Variants in PARD6B observed in about 807,000 individuals in gnomAD.
PARD6B encodes the protein par-6 family cell polarity regulator beta.
In PARD6B, 4 loss-of-function variants were observed where a neutral mutation model predicts 10.5. That is an observed-to-expected ratio of 0.38 (90% CI 0.19 to 0.87). PARD6B has a LOEUF of 0.87. Among genes scored for constraint, PARD6B ranks in the 40% least tolerant of loss-of-function variants. The pLI, the probability that PARD6B is intolerant of heterozygous loss-of-function variation, is 0.41. For missense variants in PARD6B, 396 were observed against 470.6 expected (o/e 0.84, Z 1.47); for synonymous variants, 169 against 170.4 (o/e 0.99, Z 0.07).
Position 50,750,988 on chromosome 20 carries a change from G to GTTTTTTTTTTTTTTTT in PARD6B, c.*501_*502insTTTTTTTTTTTTTTTT, listed in dbSNP as rs1568999536. ...TTTTTTTTTTTTTTTTTTTTTTTTA[G>GTTTTTTTTTTTTTTTT]TGACTGGGTCTCACTCTGTTGCCCA... On this transcript the variant is annotated 3_prime_UTR_variant, in exon 3 of 3. Transcript: ENST00000371610. 9.6e-6 allele frequency: 3 copies of GTTTTTTTTTTTTTTTT among 312,234 alleles called. No homozygotes were observed. Among genetic ancestry groups the GTTTTTTTTTTTTTTTT allele is most frequent in the Non-Finnish European group, 1.1e-5 (3 of 271,006 alleles). 19.3% of individuals were successfully genotyped at this position (312,234 alleles called of 1,614,324 possible). A position where few individuals can be genotyped will look rare whatever the true frequency, so the allele number is the denominator to read the frequency against.
intron 2 of PARD6B, among the ~76,000 whole-genome samples, chr20:50,747,489 C>CTTTTTTTTTTTTTTTTTTTTTTTTCT (rs58629233): frequency 3.0e-5 from 1 of 33,354 alleles, no homozygotes. Context: ...TTCTTTCTTT[C>CTTTTTTTTTTTTTTTTTTTTTTTTCT]TTTTTTTTTT....
Position 50,752,598 on chromosome 20 carries a change from A to C in PARD6B, c.*2110A>C. On this transcript the variant is annotated 3_prime_UTR_variant, in exon 3 of 3. Transcript: ENST00000371610. ...AACTAAAAATACTATGAAGTACATA[A>C]GTTCCCTATGGCTTATGGAGAGTTA... The C allele has an allele frequency of 1.0e-6, 1 of 982,960 alleles. No individual in the cohort carries two copies. Among genetic ancestry groups the C allele is most frequent in the Non-Finnish European group, 1.2e-6 (1 of 827,324 alleles). 60.9% of individuals were successfully genotyped at this position (982,960 alleles called of 1,614,324 possible). A position where few individuals can be genotyped will look rare whatever the true frequency, so the allele number is the denominator to read the frequency against.
At chr20:50,741,773 C>T (rs1422850393) in intron 2 of PARD6B, among the ~76,000 whole-genome samples, 2 of 152,126 alleles carry the variant, frequency 1.3e-5, no homozygotes, top group African/African-American at 4.8e-5. Flanking sequence ...GTCTCGATCT[C>T]CTGACTTCGT....
At chr20:50,747,199 A>G (rs1356047256) in intron 2 of PARD6B, among the ~76,000 whole-genome samples, 2 of 152,230 alleles carry the variant, frequency 1.3e-5, no homozygotes, top group Non-Finnish European at 2.9e-5. Flanking sequence ...TGTGACTTGG[A>G]AGATACTAGC....
rs1386455472 is a variant in PARD6B at position 50,740,946 on chromosome 20, TTGA to T, written c.289+2871_289+2873del. Among the ~76,000 whole-genome samples the T allele has an allele frequency of 2.0e-5, 3 of 151,642 alleles. No individual in the cohort carries two copies. In the East Asian group the frequency reaches 5.8e-4, roughly 29 times the overall value. ...CTGGCTTCCTTCCTGTTCCTCAGAC[TTGA>T]TGAGCTTGTTTCTTTTTTTTTTTTT... On this transcript the variant is annotated intron_variant, in intron 2 of 2. Transcript: ENST00000371610.
At chr20:50,732,540 A>C (rs2087477448) in intron 1 of PARD6B, among the ~76,000 whole-genome samples, 1 of 152,132 alleles carries the variant, frequency 6.6e-6, no homozygotes, top group Non-Finnish European at 1.5e-5. Flanking sequence ...CTGAATTTCT[A>C]AATCTCAAGG....
chr20:50,733,996 TATATTTGAACTGCC>T (rs2087486001), intron 1 of PARD6B, among the ~76,000 whole-genome samples: 1 of 152,242 alleles, frequency 6.6e-6, no homozygotes, highest in Non-Finnish European at 1.5e-5. Flanking sequence ...CTACATGTTG[TATATTTGAACTGCC>T]ATACTGCACT....
chr20:50,742,190 C>T (rs138693277), intron 2 of PARD6B, among the ~76,000 whole-genome samples: 2,634 of 151,998 alleles, frequency 0.017, 97 homozygotes, highest in African/African-American at 0.06. Flanking sequence ...ACTACAGATG[C>T]GTGCCACCAC....
intron 2 of PARD6B, among the ~76,000 whole-genome samples, chr20:50,748,548 T>C (rs1171114707): frequency 6.6e-6 from 1 of 152,236 alleles, no homozygotes; most frequent in African/African-American, 2.4e-5. Flanking sequence ...AACATGCAAA[T>C]TGCAGGCGTG....
chr20:50,750,378 T>C lies in PARD6B; in HGVS notation c.1009T>C (p.Ser337Pro). The C allele has an allele frequency of 6.2e-7, 1 of 1,614,180 alleles. No individual in the cohort carries two copies. Among genetic ancestry groups the C allele is most frequent in the South Asian group, 1.1e-5 (1 of 91,084 alleles). Residue 337 changes from serine (S) to proline (P), a missense_variant, in exon 3 of 3, where the codon TCT (serine) becomes CCT (proline). This residue lies in a region of PARD6B where 188 missense variants were observed against 169.7 expected (regional missense o/e 1.11). Coordinates refer to ENST00000371610, the MANE Select transcript of PARD6B (RefSeq NM_032521.3). ...FESGQNGFIP[S>P]NEVSLAAIAS... ...GTCTGGACAGAATGGCTTTATTCCC[T>C]CTAATGAAGTGAGCTTAGCAGCCAT... is the stretch of plus-strand genomic sequence containing the variant.
chr20:50,736,465 T>G (rs1252044792), intron 1 of PARD6B, among the ~76,000 whole-genome samples: 1 of 152,232 alleles, frequency 6.6e-6, no homozygotes, highest in East Asian at 1.9e-4. Flanking sequence ...TTTAAATATT[T>G]TTAAAAACCA....
Position 50,750,986 on chromosome 20 carries a change from T to TTTTTTTTTTTTTTGTTTTTTTTTTG in PARD6B, c.*498_*499insTTTTTTTTTTTTTGTTTTTTTTTTG, listed in dbSNP as rs2087604686. ...TTTTTTTTTTTTTTTTTTTTTTTTT[T>TTTTTTTTTTTTTTGTTTTTTTTTTG]AGTGACTGGGTCTCACTCTGTTGCC... On this transcript the variant is annotated 3_prime_UTR_variant, in exon 3 of 3. Transcript: ENST00000371610. 1.7e-6 allele frequency: 1 copy of TTTTTTTTTTTTTTGTTTTTTTTTTG among 586,752 alleles called. No homozygotes were observed. Among genetic ancestry groups the TTTTTTTTTTTTTTGTTTTTTTTTTG allele is most frequent in the Non-Finnish European group, 2.1e-6 (1 of 483,112 alleles). The allele number at this position is 586,752 out of a possible 1,614,324, so 36.3% of individuals were successfully genotyped here.
intron 2 of PARD6B, among the ~76,000 whole-genome samples, chr20:50,746,310 C>A (rs555768178): frequency 6.6e-6 from 1 of 152,252 alleles, no homozygotes; most frequent in African/African-American, 2.4e-5. Context: ...AGTAAGACAT[C>A]CAGTTTGACT....
chr20:50,748,147 A>G (rs908202289), intron 2 of PARD6B, among the ~76,000 whole-genome samples: 3 of 152,246 alleles, frequency 2.0e-5, no homozygotes, highest in East Asian at 1.9e-4. Context: ...CATCAAGACC[A>G]GCCTGGCCAA....
chr20:50,753,377 A>G lies in PARD6B; in HGVS notation c.*2889A>G, dbSNP rs575376907. ...ATCAGCTCATTGGTAGGCTGAATCA[A>G]TTATTTCAAGTGCACCTTATTAACA... On this transcript the variant is annotated 3_prime_UTR_variant, in exon 3 of 3. Coordinates refer to ENST00000371610, the MANE Select transcript of PARD6B (RefSeq NM_032521.3). 5.9e-5 allele frequency: 58 copies of G among 985,394 alleles called. No individual in the cohort carries two copies. Among genetic ancestry groups the G allele is most frequent in the South Asian group, 3.3e-4 (7 of 21,274 alleles). The allele number at this position is 985,394 out of a possible 1,614,324, so 61.0% of individuals were successfully genotyped here.
At chr20:50,741,072 T>C (rs1339215420) in intron 2 of PARD6B, among the ~76,000 whole-genome samples, 1 of 151,900 alleles carries the variant, frequency 6.6e-6, no homozygotes, top group Non-Finnish European at 1.5e-5. Flanking sequence ...GTGATTGTCC[T>C]GCCTCAGCCT....
In PARD6B at chr20:50,731,859, G is replaced by T; in HGVS notation, c.66+7G>T. On this transcript the variant is annotated splice_region_variant and intron_variant, in intron 1 of 2. Transcript: ENST00000371610. ...TATGGAGGTGAAGAGCAAGGTGCGC[G>T]GGGCCCGGGCTGGGCGGAGCGGCGG... The T allele has an allele frequency of 2.1e-6, 3 of 1,449,118 alleles. No homozygotes were observed. The highest frequency in any genetic ancestry group is 2.7e-6 in the Non-Finnish European group (3 of 1,104,912). The allele number at this position is 1,449,118 out of a possible 1,614,324, so 89.8% of individuals were successfully genotyped here.
intron 2 of PARD6B, among the ~76,000 whole-genome samples, chr20:50,743,967 C>T (rs2123704686): frequency 6.6e-6 from 1 of 151,730 alleles, no homozygotes; most frequent in East Asian, 1.9e-4. Context: ...ACGTGGGTGT[C>T]ACCTTTGACA....
At position 50,751,736 on chromosome 20, in the gene PARD6B, T is replaced by A. The variant is rs1311321896; in HGVS notation, c.*1248T>A. The A allele has an allele frequency of 2.0e-6, 2 of 983,628 alleles. No homozygotes were observed. Among genetic ancestry groups the A allele is most frequent in the Non-Finnish European group, 2.4e-6 (2 of 829,438 alleles). 60.9% of individuals were successfully genotyped at this position (983,628 alleles called of 1,614,324 possible). On this transcript the variant is annotated 3_prime_UTR_variant, in exon 3 of 3. Coordinates refer to ENST00000371610, the MANE Select transcript of PARD6B (RefSeq NM_032521.3). ...AAGCTGAGGAAGCTTTTTTTTTTTT[T>A]TTTTGAGACAGAGTCTCTGTCACCC...
Sources: allele counts gnomAD v4.1 joint callset (sites outside exome capture counted in the v4.1 genomes callset), GRCh38; gene constraint gnomAD v4.1.1; regional missense constraint gnomAD v4.1.1; transcripts MANE v1.5; gene names NCBI Gene and HGNC (gene_info 2026-07-23, HGNC 2026-07-21).